The following DROSHA variants were observed in gnomAD, a reference collection of about 807,000 sequenced individuals.
The protein encoded by DROSHA is ribonuclease 3.
In DROSHA, 56 loss-of-function variants were observed where a neutral mutation model predicts 181.9. The ratio of observed to expected loss-of-function variants is 0.31; its 90% CI spans 0.25 to 0.38. The LOEUF is 0.38. Ranked by LOEUF, DROSHA falls within the 10% of genes least tolerant of loss-of-function variation. The pLI, the probability that DROSHA is intolerant of heterozygous loss-of-function variation, is 1.00. For synonymous variants in DROSHA, 524 were observed against 591.2 expected (o/e 0.89, Z 1.65); for missense variants, 1,218 against 1,743.5 (o/e 0.70, Z 5.37).
chr5:31,528,359 A>C (rs1463714554), intron 4 of DROSHA, among the ~76,000 whole-genome samples: 1 of 152,166 alleles, frequency 6.6e-6, no homozygotes, highest in Non-Finnish European at 1.5e-5. Context: ...ATATGCTAAA[A>C]GGAATTAATG....
At chr5:31,443,042 ATTT>A (rs558352739) in intron 23 of DROSHA, among the ~76,000 whole-genome samples, 1 of 142,988 alleles carries the variant, frequency 7.0e-6, no homozygotes. Flanking sequence ...GGTCCGATAG[ATTT>A]TTTTTTTTTT....
intron 16 of DROSHA, 30 bp downstream of exon 16, chr5:31,483,524 A>C (rs367763516): frequency 1.5e-4 from 241 of 1,607,218 alleles, no homozygotes; most frequent in Non-Finnish European, 6.3e-5. Flanking sequence ...GCACTATCTC[A>C]CCAGGTCACT....
In DROSHA at chr5:31,504,621, T is replaced by C. The variant is rs1205848039; in HGVS notation, c.1602A>G (p.Pro534=). 1 of 1,613,866 alleles carries C rather than the reference T, an allele frequency of 6.2e-7. No homozygotes were observed. The highest frequency in any genetic ancestry group is 8.5e-7 in the Non-Finnish European group (1 of 1,179,858). Residue 534 remains proline (P), a synonymous_variant, in exon 11 of 36, where the codon CCA becomes CCG. Coordinates refer to ENST00000344624, the MANE Select transcript of DROSHA (RefSeq NM_001382508.1). Reference sequence around the variant, plus strand: ...TTGCCTTTGCGCTGCATTTGCAGAGTGGTCCATCATTCATCTGTCAGAAAC... The same window carrying C: ...TTGCCTTTGCGCTGCATTTGCAGAGCGGTCCATCATTCATCTGTCAGAAAC... ...YNDPGQMNDG[P]LCKCSAKARR...
chr5:31,448,679 G>GA, intron 22 of DROSHA, 72 bp from the exon 23 acceptor site: 1 of 1,168,862 alleles, frequency 8.6e-7, no homozygotes, highest in Non-Finnish European at 1.2e-6. Context: ...TATTACAGTA[G>GA]AAAAAAATTA....
rs1738333640 is a variant in DROSHA at position 31,508,920 on chromosome 5, T to C, written c.1433-145A>G. The C allele has an allele frequency of 3.2e-6, 3 of 924,324 alleles. No individual in the cohort carries two copies. The Admixed American group carries it at 8.6e-5, about 27-fold the overall frequency. The allele number at this position is 924,324 out of a possible 1,614,324, so 57.3% of individuals were successfully genotyped here. On this transcript the variant is annotated intron_variant, in intron 9 of 35. Transcript: ENST00000344624. ...TCACTGCAAACTCCACCTCCCGAGT[T>C]CAAGTGATTCTCCTGCCTTAGCCTC... is the stretch of plus-strand genomic sequence containing the variant.
At chr5:31,512,511 A>G (rs1156466392) in intron 8 of DROSHA, among the ~76,000 whole-genome samples, 1 of 152,224 alleles carries the variant, frequency 6.6e-6, no homozygotes, top group Non-Finnish European at 1.5e-5. Flanking sequence ...TTTGGAGAAG[A>G]GAACTCCTGA....
At chr5:31,418,456 A>G (rs1742245165) in intron 30 of DROSHA, among the ~76,000 whole-genome samples, 1 of 151,916 alleles carries the variant, frequency 6.6e-6, no homozygotes, top group Non-Finnish European at 1.5e-5. Flanking sequence ...TATTGTAGAG[A>G]TGGAGTCTCA....
At chr5:31,454,755 A>G (rs1198768499) in intron 20 of DROSHA, among the ~76,000 whole-genome samples, 3 of 151,964 alleles carry the variant, frequency 2.0e-5, no homozygotes, top group South Asian at 2.1e-4. Flanking sequence ...CCTGGCTAAC[A>G]TGGTGAGACC....
rs766559640 is a variant in DROSHA, at chr5:31,409,208, A to C, written c.3750+42T>G. 6.2e-6 allele frequency: 10 copies of C among 1,607,020 alleles called. No individual in the cohort carries two copies. Among genetic ancestry groups the C allele is most frequent in the Non-Finnish European group, 8.5e-6 (10 of 1,176,324 alleles). On this transcript the variant is annotated intron_variant, in intron 32 of 35. Transcript: ENST00000344624. The surrounding 1 kb of genome is among the most constrained non-coding windows in gnomAD (Gnocchi z 4.0). ...TTAGTAATGGGTTCTGGAATCACCA[A>C]ACATAAAGCAGACCACTAATTCAAA... is the stretch of plus-strand genomic sequence containing the variant.
At chr5:31,502,774 G>A (rs776645639) in intron 11 of DROSHA, among the ~76,000 whole-genome samples, 17 of 152,196 alleles carry the variant, frequency 1.1e-4, no homozygotes, top group African/African-American at 1.4e-4. Flanking sequence ...TGGCTGAACC[G>A]AAAACAGATG....
chr5:31,511,011 GGC>G (rs771456931), intron 9 of DROSHA, 22 bp downstream of exon 9: 6 of 1,613,396 alleles, frequency 3.7e-6, no homozygotes, highest in Non-Finnish European at 5.1e-6. Flanking sequence ...AAGGGTCTCA[GGC>G]TAGTTAGTGA....
chr5:31,455,775 G>A (rs1052332578), intron 20 of DROSHA, among the ~76,000 whole-genome samples: 1 of 151,660 alleles, frequency 6.6e-6, no homozygotes, highest in African/African-American at 2.4e-5. Flanking sequence ...CAAGTAGCTG[G>A]GACCACAGGT....
Position 31,472,200 on chromosome 5 carries a change from T to A in DROSHA, c.2104A>T (p.Ile702Phe). Residue 702 changes from isoleucine to phenylalanine, a missense_variant, in exon 17 of 36, where the codon ATT becomes TTT. Physicochemically the swap from Ile to Phe is conservative, Grantham distance 21. This residue lies in a region of DROSHA where 460 missense variants were observed against 774.2 expected (regional missense o/e 0.59). Transcript: ENST00000344624. ...CTGCACCTTAACAAGTACAGGAGAA[T>A]CTGGTGCATGGACAGCACTTCCTTT... ...GGKEVLSMHQILLYLLRCSKA... is the reference protein window; with the variant it reads ...GGKEVLSMHQFLLYLLRCSKA... 4 of 1,612,768 alleles carry A rather than the reference T, an allele frequency of 2.5e-6. No homozygotes were observed. Among genetic ancestry groups the A allele is most frequent in the Non-Finnish European group, 3.4e-6 (4 of 1,179,274 alleles).
In DROSHA at chr5:31,410,689, G is replaced by A. The variant is rs1459831322; in HGVS notation, c.3667+57C>T. On this transcript the variant is annotated intron_variant, in intron 31 of 35. Coordinates refer to ENST00000344624, the MANE Select transcript of DROSHA (RefSeq NM_001382508.1). ...AATAATGAGGAGGAGGACAAATACG[G>A]TTACTTGGACTTAAACTCTGAACCT... 7.7e-6 allele frequency: 12 copies of A among 1,562,234 alleles called. No homozygotes were observed. In the African/African-American group the frequency reaches 1.7e-4, roughly 21 times the overall value.
intron 13 of DROSHA, among the ~76,000 whole-genome samples, 185 bp downstream of exon 13, chr5:31,493,022 T>C (rs1376707515): frequency 1.3e-5 from 2 of 152,216 alleles, no homozygotes; most frequent in Non-Finnish European, 2.9e-5. Flanking sequence ...CGTGACTCAT[T>C]AGCACAGATG....
intron 20 of DROSHA, among the ~76,000 whole-genome samples, chr5:31,463,761 A>G (rs544679271): frequency 6.6e-6 from 1 of 152,340 alleles, no homozygotes; most frequent in African/African-American, 2.4e-5. Context: ...TGGTTCAAAT[A>G]TGAAGTATAC....
At chr5:31,484,065 T>G (rs1434101911) in intron 15 of DROSHA, among the ~76,000 whole-genome samples, 1 of 152,194 alleles carries the variant, frequency 6.6e-6, no homozygotes, top group Non-Finnish European at 1.5e-5. Flanking sequence ...AAGTAACTGT[T>G]TGCTAGAATA....
intron 25 of DROSHA, 144 bp from the exon 26 acceptor site, chr5:31,431,822 A>G (rs1263148317): frequency 2.9e-5 from 20 of 694,020 alleles, no homozygotes; most frequent in Non-Finnish European, 4.4e-5. Flanking sequence ...ATTAAGAGAG[A>G]GTTTAGTTTA....
At position 31,449,258 on chromosome 5, in the gene DROSHA, A is replaced by T. The variant is rs775385699; in HGVS notation, c.2821+23T>A. On this transcript the variant is annotated intron_variant, in intron 22 of 35. Coordinates refer to ENST00000344624, the MANE Select transcript of DROSHA (RefSeq NM_001382508.1). ...ACACAGGCCAAAATAGGAGATTCAC[A>T]TCTTAAAATCATCCAGACATACCTT... 12 of 1,612,264 alleles carry T rather than the reference A, an allele frequency of 7.4e-6. 1 individual carries two copies. In the South Asian group the frequency reaches 1.3e-4, roughly 18 times the overall value.
Sources: allele counts gnomAD v4.1 joint callset (sites outside exome capture counted in the v4.1 genomes callset), GRCh38; gene constraint gnomAD v4.1.1; regional missense constraint gnomAD v4.1.1; non-coding constraint Gnocchi (gnomAD v3.1); transcripts MANE v1.5; gene names NCBI Gene and HGNC (gene_info 2026-07-23, HGNC 2026-07-21).